Variants in ERG observed in about 807,000 individuals in gnomAD.
ERG encodes the protein ETS transcription factor ERG.
Under a neutral mutation model 55.3 loss-of-function variants are expected in ERG, and 9 were observed. That is an observed-to-expected ratio of 0.16 (90% CI 0.10 to 0.28). The LOEUF (loss-of-function observed/expected upper bound fraction) is 0.28, where lower values mean the gene tolerates loss of function less well. ERG is among the 10% of genes least tolerant of loss of function. ERG has a pLI of 1.00. For missense variants in ERG, 434 were observed against 631.6 expected (o/e 0.69, Z 3.35); for synonymous variants, 223 against 237.3 (o/e 0.94, Z 0.55).
chr21:38,400,036 C>T, intron 6 of ERG: 1 of 262,286 alleles, frequency 3.8e-6, no homozygotes, highest in East Asian at 6.3e-5. Flanking sequence ...AGTCTAACAC[C>T]ACGCTTGGCA....
chr21:38,450,089 C>CT (rs1601419205), intron 1 of ERG, among the ~76,000 whole-genome samples: 1 of 148,828 alleles, frequency 6.7e-6, no homozygotes, highest in African/African-American at 2.5e-5. Context: ...CATGATCATG[C>CT]TTAAAAAAAA....
chr21:38,392,776 T>A (rs1386502129), intron 6 of ERG, among the ~76,000 whole-genome samples: 4 of 152,220 alleles, frequency 2.6e-5, no homozygotes, highest in Non-Finnish European at 5.9e-5. Context: ...GGGACTGATC[T>A]ACATCTGTCT....
chr21:38,633,776 AT>A (rs2146960594), intron 1 of ERG, among the ~76,000 whole-genome samples: 1 of 152,246 alleles, frequency 6.6e-6, no homozygotes, highest in South Asian at 2.1e-4. Flanking sequence ...CTTCAATTTC[AT>A]AAGATACAAT....
At chr21:38,600,728 A>T (rs2060159798) in intron 1 of ERG, among the ~76,000 whole-genome samples, 1 of 152,244 alleles carries the variant, frequency 6.6e-6, no homozygotes, top group Non-Finnish European at 1.5e-5. Flanking sequence ...AGAATTAAAC[A>T]ATTAAGGCAC....
intron 2 of ERG, among the ~76,000 whole-genome samples, chr21:38,506,900 T>A (rs1230802117): frequency 1.3e-5 from 2 of 152,156 alleles, no homozygotes; most frequent in Non-Finnish European, 2.9e-5. Context: ...TAGTTTTCAA[T>A]GTGTTCTACA....
intron 1 of ERG, among the ~76,000 whole-genome samples, chr21:38,592,592 T>C (rs936443495): frequency 6.8e-6 from 1 of 147,652 alleles, no homozygotes; most frequent in Non-Finnish European, 1.5e-5. Flanking sequence ...TGTGTGTGTG[T>C]GTGTGTGTGT....
At chr21:38,521,041 A>C (rs190283035) in intron 2 of ERG, among the ~76,000 whole-genome samples, 262 of 152,296 alleles carry the variant, frequency 1.7e-3, no homozygotes, top group African/African-American at 6.3e-3. Context: ...ATAACAAATA[A>C]AAGCCAAGAT....
chr21:38,521,566 A>G (rs2059594811), intron 2 of ERG, among the ~76,000 whole-genome samples: 1 of 152,224 alleles, frequency 6.6e-6, no homozygotes, highest in Non-Finnish European at 1.5e-5. Flanking sequence ...TAGCCTCCAT[A>G]CAAATATAAT....
intron 6 of ERG, among the ~76,000 whole-genome samples, chr21:38,398,058 G>A (rs536817231): frequency 2.0e-5 from 3 of 152,254 alleles, no homozygotes; most frequent in East Asian, 3.9e-4. Flanking sequence ...TATCCCCAAG[G>A]ACCTTCAAAG....
At chr21:38,468,749 G>C (rs1039339499) in intron 1 of ERG, among the ~76,000 whole-genome samples, 2 of 152,078 alleles carry the variant, frequency 1.3e-5, no homozygotes, top group Non-Finnish European at 2.9e-5. Flanking sequence ...ACTTTGGGAG[G>C]CCGAGGCAGG....
rs117765809 is a variant in ERG, at chr21:38,457,826, C to G, written c.19-12205G>C. Among the ~76,000 whole-genome samples the G allele has an allele frequency of 1.4e-3, 208 of 152,268 alleles. 4 individuals are homozygous for G. In the East Asian group the frequency reaches 0.037, roughly 27 times the overall value. ...AGAGCAGGTGGGGCCTTCCAAGTTG[C>G]CTACTCATCCAACCTGCACAGTAAG... On this transcript the variant is annotated intron_variant, in intron 1 of 9. Transcript: ENST00000288319.
Position 38,567,080 on chromosome 21 carries a change from G to A in ERG, c.-41+8582C>T, listed in dbSNP as rs560410816. 3.2e-4 allele frequency among the ~76,000 whole-genome samples: 49 copies of A among 152,266 alleles called. No homozygotes were observed. In the East Asian group the frequency reaches 8.1e-3, roughly 25 times the overall value. On this transcript the variant is annotated intron_variant, in intron 2 of 8. Transcript: ENST00000398897. ...AACGAGGAATCGCCAGACTGGGGGG[G>A]GGATTGTGCAGCATGTCTGGGGAAC...
chr21:38,579,975 C>G (rs946744354), intron 1 of ERG, among the ~76,000 whole-genome samples: 1 of 152,186 alleles, frequency 6.6e-6, no homozygotes, highest in African/African-American at 2.4e-5. Context: ...CGCCCACCAC[C>G]ACGCCTGGCT....
chr21:38,537,654 CA>C (rs2059721322), intron 2 of ERG, among the ~76,000 whole-genome samples: 2 of 151,964 alleles, frequency 1.3e-5, no homozygotes, highest in Non-Finnish European at 1.5e-5. Flanking sequence ...TGACTATTAC[CA>C]AAAAATCAGA....
At chr21:38,530,343 A>G (rs1287369677) in intron 2 of ERG, among the ~76,000 whole-genome samples, 1 of 152,172 alleles carries the variant, frequency 6.6e-6, no homozygotes, top group Non-Finnish European at 1.5e-5. Context: ...TGCAGAAGTG[A>G]GCCACTGCGT....
chr21:38,645,468 A>G (rs1182000771), intron 1 of ERG, among the ~76,000 whole-genome samples: 1 of 152,216 alleles, frequency 6.6e-6, no homozygotes, highest in Non-Finnish European at 1.5e-5. Context: ...GTCATATTTC[A>G]AAGAGGTATT....
At chr21:38,624,254 C>T (rs2060310944) in intron 1 of ERG, among the ~76,000 whole-genome samples, 1 of 151,846 alleles carries the variant, frequency 6.6e-6, no homozygotes, top group South Asian at 2.1e-4. Flanking sequence ...CACTTAAACT[C>T]TCCTCCCTGG....
At chr21:38,416,890 TG>T (rs1475139153) in intron 3 of ERG, among the ~76,000 whole-genome samples, 20 of 152,228 alleles carry the variant, frequency 1.3e-4, no homozygotes, top group African/African-American at 4.1e-4. Flanking sequence ...GCGCGTGAGT[TG>T]GGGATGTGGC....
intron 2 of ERG, among the ~76,000 whole-genome samples, chr21:38,436,162 G>T (rs570371225): frequency 8.3e-6 from 1 of 120,308 alleles, no homozygotes; most frequent in Admixed American, 8.5e-5. Context: ...ATAGGCACCT[G>T]GCTAATTTTT....
Sources: allele counts gnomAD v4.1 joint callset (sites outside exome capture counted in the v4.1 genomes callset), GRCh38; gene constraint gnomAD v4.1.1; transcripts MANE v1.5; gene names NCBI Gene and HGNC (gene_info 2026-07-23, HGNC 2026-07-21).